MAU2: variants seen among roughly 807,000 people sequenced by gnomAD.
MAU2 encodes the protein MAU2 chromatid cohesion factor homolog.
In MAU2, 9 loss-of-function variants were observed where a neutral mutation model predicts 89.1. That is an observed-to-expected ratio of 0.10 (90% confidence interval 0.06 to 0.18). The LOEUF is 0.18. Ranked by LOEUF, MAU2 falls within the 10% of genes least tolerant of loss-of-function variation. MAU2 has a pLI of 1.00. For missense variants in MAU2, 425 were observed against 803.5 expected (o/e 0.53, Z 5.69); for synonymous variants, 357 against 343.4 (o/e 1.04, Z -0.44).
intron 1 of MAU2, among the ~76,000 whole-genome samples, chr19:19,322,920 C>T (rs900376012): frequency 5.3e-5 from 8 of 152,014 alleles, no homozygotes; most frequent in East Asian, 1.9e-4. Flanking sequence ...GACGGAGTTT[C>T]GCTCTTGTTG....
chr19:19,337,295 C>T (rs750884490), intron 4 of MAU2, 30 bp downstream of exon 4: 2 of 1,571,464 alleles, frequency 1.3e-6, no homozygotes, highest in Admixed American at 3.4e-5. Flanking sequence ...AACGAGGGTG[C>T]CCGGCAGGGA....
chr19:19,352,100 C>T, intron 16 of MAU2, among the ~76,000 whole-genome samples: 1 of 151,976 alleles, frequency 6.6e-6, no homozygotes, highest in Non-Finnish European at 1.5e-5. Context: ...CTGCCTACTT[C>T]AGCCTCCCAA....
chr19:19,334,869 G>C (rs571132620), intron 1 of MAU2, among the ~76,000 whole-genome samples: 1 of 152,204 alleles, frequency 6.6e-6, no homozygotes, highest in African/African-American at 2.4e-5. Flanking sequence ...CACAGAGTGC[G>C]ATGAGTTAGG....
Position 19,355,692 on chromosome 19 carries a change from C to A in MAU2, c.1768-16C>A. 1 of 1,602,778 alleles carries A rather than the reference C, an allele frequency of 6.2e-7. No individual in the cohort carries two copies. Among genetic ancestry groups the A allele is most frequent in the Non-Finnish European group, 8.5e-7 (1 of 1,174,462 alleles). ...GGTCCACAGTGCCTCACTCGCATGT[C>A]CTCTCCTCCCCACAGTGGACAGACG... On this transcript the variant is annotated splice_polypyrimidine_tract_variant and intron_variant, in intron 18 of 18. Transcript: ENST00000262815.
Position 19,349,391 on chromosome 19 carries a change from C to T in MAU2, c.1503C>T (p.Ser501=), listed in dbSNP as rs557446609. 2 of 1,614,206 alleles carry T rather than the reference C, an allele frequency of 1.2e-6. No homozygotes were observed. Among genetic ancestry groups the T allele is most frequent in the Non-Finnish European group, 1.7e-6 (2 of 1,180,042 alleles). ...AEDLNRLTAC[S]LVLLGHIFYV... The stretch of plus-strand genomic sequence containing the variant: ...ACCTGAACCGGCTCACAGCCTGCTC[C>T]CTCGTGCTTCTGGGCCACATCTTCT... Residue 501 remains serine (S), a synonymous_variant, in exon 16 of 19, where the codon TCC becomes TCT. Transcript: ENST00000262815.
Position 19,345,856 on chromosome 19 carries a change from C to T in MAU2, c.1221+487C>T, listed in dbSNP as rs541301976. 4.6e-5 allele frequency among the ~76,000 whole-genome samples: 7 copies of T among 152,196 alleles called. No homozygotes were observed. Among genetic ancestry groups the T allele is most frequent in the Non-Finnish European group, 1.0e-4 (7 of 68,018 alleles). ...GGCTCCTGGCCTTAGACGGGGGCCCCGCCAGGCCCTGGAAGAAGGCTGGTG... is the reference window on the plus strand; with the variant it reads ...GGCTCCTGGCCTTAGACGGGGGCCCTGCCAGGCCCTGGAAGAAGGCTGGTG... On this transcript the variant is annotated intron_variant, in intron 12 of 18. Coordinates refer to ENST00000262815, the MANE Select transcript of MAU2 (RefSeq NM_015329.4). The surrounding 1 kb of genome is among the most constrained non-coding windows in gnomAD (Gnocchi z 4.9).
At chr19:19,335,981 G>T in intron 2 of MAU2, 141 bp from the exon 3 acceptor site, 1 of 725,484 alleles carries the variant, frequency 1.4e-6, no homozygotes, top group East Asian at 2.6e-5. Flanking sequence ...GTTCACTGGG[G>T]GAACAGGAAA....
At chr19:19,342,733 G>T in intron 8 of MAU2, 43 bp from the exon 9 acceptor site, 1 of 1,613,848 alleles carries the variant, frequency 6.2e-7, no homozygotes, top group Non-Finnish European at 8.5e-7. Context: ...GCAGGGAGAG[G>T]GAGAGGGCCC....
chr19:19,326,009 T>A (rs2061501183), intron 1 of MAU2, among the ~76,000 whole-genome samples: 1 of 150,540 alleles, frequency 6.6e-6, no homozygotes, highest in Non-Finnish European at 1.5e-5. Flanking sequence ...ATTTTTTTTT[T>A]TTTTTTTTTG....
At chr19:19,323,790 G>T (rs1382744678) in intron 1 of MAU2, among the ~76,000 whole-genome samples, 1 of 152,176 alleles carries the variant, frequency 6.6e-6, no homozygotes, top group Admixed American at 6.5e-5. Context: ...AGCGTGGAAG[G>T]CAACTTTAGT....
rs1228007463 is a variant in MAU2 at position 19,345,936 on chromosome 19, A to G, written c.1221+567A>G. Among the ~76,000 whole-genome samples the G allele has an allele frequency of 6.6e-6, 1 of 152,138 alleles. No homozygotes were observed. ...GGCTGGACCATTGTGTCCCCACCTC[A>G]GCCTCAACCTCCTCACAGGAAATGG... On this transcript the variant is annotated intron_variant, in intron 12 of 18. Coordinates refer to ENST00000262815, the MANE Select transcript of MAU2 (RefSeq NM_015329.4). The surrounding 1 kb of genome is among the most constrained non-coding windows in gnomAD (Gnocchi z 4.9).
Position 19,345,457 on chromosome 19 carries a change from C to A in MAU2, c.1221+88C>A. Reference sequence around the variant, plus strand: ...TGGTCTGTGATGAGGACAGCAGTCGCGCTAGGTCAGCTATGCAAAGCCGCA... The same window carrying A: ...TGGTCTGTGATGAGGACAGCAGTCGAGCTAGGTCAGCTATGCAAAGCCGCA... On this transcript the variant is annotated intron_variant, in intron 12 of 18. Coordinates refer to ENST00000262815, the MANE Select transcript of MAU2 (RefSeq NM_015329.4). The surrounding 1 kb of genome is among the most constrained non-coding windows in gnomAD (Gnocchi z 4.9). 1.5e-6 allele frequency: 2 copies of A among 1,300,212 alleles called. No individual in the cohort carries two copies. Among genetic ancestry groups the A allele is most frequent in the Non-Finnish European group, 1.1e-6 (1 of 908,192 alleles). 80.5% of individuals were successfully genotyped at this position (1,300,212 alleles called of 1,614,324 possible).
Position 19,349,184 on chromosome 19 carries a change from A to G in MAU2, c.1388A>G (p.Tyr463Cys). 1 of 1,614,098 alleles carries G rather than the reference A, an allele frequency of 6.2e-7. No individual in the cohort carries two copies. The highest frequency in any genetic ancestry group is 8.5e-7 in the Non-Finnish European group (1 of 1,180,014). ...SSHCLRAAAF[Y>C]VRGLFSFFQG... is the part of the protein sequence containing the mutation. Reference sequence around the variant, plus strand: ...CACTGCCTCCGAGCAGCCGCCTTCTATGTGCGTGGGCTCTTCTCCTTCTTC... The same window carrying G: ...CACTGCCTCCGAGCAGCCGCCTTCTGTGTGCGTGGGCTCTTCTCCTTCTTC... The change falls in exon 15 of 19, where the codon TAT becomes TGT. Residue 463 changes from tyrosine (Y) to cysteine (C), a missense_variant. Physicochemically the swap from Tyr to Cys is radical, Grantham distance 194 (BLOSUM62 -2). Transcript: ENST00000262815.
At chr19:19,349,746 C>T (rs1260162737) in intron 16 of MAU2, among the ~76,000 whole-genome samples, 1 of 152,134 alleles carries the variant, frequency 6.6e-6, no homozygotes, top group East Asian at 1.9e-4. Flanking sequence ...CTGGGGATGA[C>T]GCAGCCACCC....
At chr19:19,348,236 G>T in intron 13 of MAU2, 1 of 156,482 alleles carries the variant, frequency 6.4e-6, no homozygotes, top group Non-Finnish European at 1.4e-5. Flanking sequence ...TGGGGTGCAG[G>T]CCTGTGGTCC....
At chr19:19,353,823 T>TAG (rs1307453370) in intron 16 of MAU2, 2 of 169,398 alleles carry the variant, frequency 1.2e-5, no homozygotes, top group African/African-American at 4.7e-5. Flanking sequence ...CTGAGGATGC[T>TAG]AGGGCTGCAA....
intron 6 of MAU2, 120 bp from the exon 7 acceptor site, chr19:19,341,132 C>T (rs542764346): frequency 8.8e-6 from 11 of 1,253,578 alleles, no homozygotes; most frequent in East Asian, 7.4e-5. Flanking sequence ...TTCAGGCTGG[C>T]CTTGCCCTCT....
rs763146094 is a variant in MAU2, at chr19:19,320,918, A to G, written c.59A>G (p.Glu20Gly). Residue 20 changes from glutamate to glycine, a missense_variant, in exon 1 of 19, where the codon GAG becomes GGG. Around this residue, in one of 11 missense-constraint regions of MAU2, gnomAD observed 61 missense variants for 40.1 expected, o/e 1.52. Coordinates refer to ENST00000262815, the MANE Select transcript of MAU2 (RefSeq NM_015329.4). ...QAAAAQAAQA[E>G]AADSWYLALL... ...GCGGCGGCCCAGGCTGCGCAGGCCGAGGCGGCCGACTCGTGGTACCTGGCG... is the reference window on the plus strand; with the variant it reads ...GCGGCGGCCCAGGCTGCGCAGGCCGGGGCGGCCGACTCGTGGTACCTGGCG... 1.9e-6 allele frequency: 3 copies of G among 1,558,736 alleles called. No individual in the cohort carries two copies. Among genetic ancestry groups the G allele is most frequent in the Non-Finnish European group, 8.7e-7 (1 of 1,152,874 alleles).
intron 3 of MAU2, 45 bp downstream of exon 3, chr19:19,336,232 T>A (rs1343575839): frequency 1.4e-6 from 2 of 1,406,946 alleles, no homozygotes; most frequent in Non-Finnish European, 2.0e-6. Context: ...TCTCTCCGTG[T>A]CGCTAAGACA....
Sources: gnomAD v4.1 joint callset for allele counts (sites outside exome capture counted in the v4.1 genomes callset) on GRCh38, gnomAD v4.1.1 for gene constraint, gnomAD v4.1.1 regional missense constraint, Gnocchi (gnomAD v3.1) non-coding constraint, MANE v1.5 for transcripts, NCBI Gene and HGNC (gene_info 2026-07-23, HGNC 2026-07-21) for gene names.